Variants in TRIO observed in about 807,000 individuals in gnomAD.
TRIO encodes triple functional domain protein.
Under a neutral mutation model 351.9 loss-of-function variants are expected in TRIO, and 58 were observed. The observed-to-expected ratio is 0.16, with a 90% CI of 0.13 to 0.21. The LOEUF is 0.21. Ranked by LOEUF, TRIO falls within the 10% of genes least tolerant of loss-of-function variation. The pLI is 1.00. For synonymous variants in TRIO, 1,758 were observed against 1,595.7 expected (o/e 1.10, Z -2.42); for missense variants, 3,201 against 4,027.8 (o/e 0.79, Z 5.56).
At chr5:14,270,175 C>T (rs952001884) in intron 1 of TRIO, among the ~76,000 whole-genome samples, 9 of 152,168 alleles carry the variant, frequency 5.9e-5, no homozygotes, top group South Asian at 2.1e-4. Context: ...ATATTGGGAG[C>T]AGGGGCAGAG....
chr5:14,211,241 T>A (rs571079054), intron 1 of TRIO, among the ~76,000 whole-genome samples: 1 of 152,340 alleles, frequency 6.6e-6, no homozygotes, highest in East Asian at 1.9e-4. Context: ...GTTTCTAGTA[T>A]CTCAGAAAGA....
chr5:14,432,643 T>TC (rs1371435799), intron 34 of TRIO, among the ~76,000 whole-genome samples: 57 of 152,352 alleles, frequency 3.7e-4, no homozygotes, highest in African/African-American at 1.3e-3. Context: ...TTTCTCCTCT[T>TC]CCTACTCCCC....
At chr5:14,228,607 C>A (rs556593166) in intron 1 of TRIO, among the ~76,000 whole-genome samples, 1 of 152,242 alleles carries the variant, frequency 6.6e-6, no homozygotes, top group East Asian at 1.9e-4. Flanking sequence ...TGGATTTAAG[C>A]AGATAATTTG....
At chr5:14,295,316 T>A (rs1737254396) in intron 6 of TRIO, among the ~76,000 whole-genome samples, 1 of 152,230 alleles carries the variant, frequency 6.6e-6, no homozygotes, top group African/African-American at 2.4e-5. Context: ...AGCCTGTAGG[T>A]GTAGGTACTT....
rs546572911 is a variant in TRIO at position 14,288,363 on chromosome 5, T to C, written c.540+1300T>C. Among the ~76,000 whole-genome samples, 73 of 152,176 alleles carry C rather than the reference T, an allele frequency of 4.8e-4. 1 individual carries two copies. The South Asian group carries it at 0.015, about 32-fold the overall frequency. ...TCTCCCCACCCAGTGATTGCCTCTG[T>C]GGAGATTATTAAAAGTCCAGCAGGA... On this transcript the variant is annotated intron_variant, in intron 4 of 56. Transcript: ENST00000344204.
At chr5:14,291,714 A>G (rs1426069220) in intron 5 of TRIO, among the ~76,000 whole-genome samples, 3 of 146,712 alleles carry the variant, frequency 2.0e-5, no homozygotes, top group Admixed American at 7.1e-5. Flanking sequence ...GCTTGAACCC[A>G]TGAGGCAGAG....
rs1561449082 is a variant in TRIO, at chr5:14,403,816, TGTGAGGGTGCAGGTG to T, written c.4717-2028_4717-2014del. 2.6e-3 allele frequency among the ~76,000 whole-genome samples: 35 copies of T among 13,364 alleles called. 2 individuals are homozygous for T. Among genetic ancestry groups the T allele is most frequent in the African/African-American group, 0.015 (29 of 1,922 alleles). 8.8% of individuals were successfully genotyped at this position (13,364 alleles called of 152,430 possible). A position where few individuals can be genotyped will look rare whatever the true frequency, so the allele number is the denominator to read the frequency against. On this transcript the variant is annotated intron_variant, in intron 31 of 56. Transcript: ENST00000344204. ...AGGTTGTGGTGGTGAGGGTGCAGGT[TGTGAGGGTGCAGGTG>T]GTGGTGAGGGTGCAGGTGGTGGTGA...
chr5:14,296,004 A>G (rs71614081), intron 6 of TRIO, among the ~76,000 whole-genome samples: 7 of 152,174 alleles, frequency 4.6e-5, no homozygotes, highest in Non-Finnish European at 1.0e-4. Context: ...GAAATAATGA[A>G]CAAGTGAGTT....
At chr5:14,209,506 G>T (rs1791751548) in intron 1 of TRIO, among the ~76,000 whole-genome samples, 2 of 152,156 alleles carry the variant, frequency 1.3e-5, no homozygotes. Context: ...TTAGTGTAAT[G>T]TCATTATTTT....
In TRIO at chr5:14,143,695, G is replaced by GGCGGGC. The variant is rs1187163479; in HGVS notation, c.-26_-21dup. 2.1e-6 allele frequency: 2 copies of GGCGGGC among 972,408 alleles called. No homozygotes were observed. Among genetic ancestry groups the GGCGGGC allele is most frequent in the Non-Finnish European group, 2.4e-6 (2 of 821,960 alleles). The allele number at this position is 972,408 out of a possible 1,614,324, so 60.2% of individuals were successfully genotyped here. On this transcript the variant is annotated 5_prime_UTR_variant, in exon 1 of 57. Coordinates refer to ENST00000344204, the MANE Select transcript of TRIO (RefSeq NM_007118.4). ...GCGGCGCTAGGGGCGCGGGGCCCGA[G>GGCGGGC]GCGGGCGCGGCCGCGGGCGCCGCCG... is the stretch of plus-strand genomic sequence containing the variant.
chr5:14,209,079 C>T (rs1394345988), intron 1 of TRIO, among the ~76,000 whole-genome samples: 1 of 152,214 alleles, frequency 6.6e-6, no homozygotes, highest in South Asian at 2.1e-4. Flanking sequence ...TTTTCTGTTT[C>T]ATCTAGTCCT....
At position 14,344,286 on chromosome 5, in the gene TRIO, C is replaced by T. The variant is rs145889841; in HGVS notation, c.2046+7559C>T. ...TAGCATTATGTCTTTACATAGACTGCGGTATCTAGCGTGGCATACTGATTT... is the reference window on the plus strand; with the variant it reads ...TAGCATTATGTCTTTACATAGACTGTGGTATCTAGCGTGGCATACTGATTT... On this transcript the variant is annotated intron_variant, in intron 11 of 56. Transcript: ENST00000344204. 5.0e-3 allele frequency among the ~76,000 whole-genome samples: 764 copies of T among 152,196 alleles called. 9 individuals are homozygous for T. The highest frequency in any genetic ancestry group is 0.017 in the African/African-American group (722 of 41,510).
chr5:14,341,305 G>A (rs1369451537), intron 11 of TRIO, among the ~76,000 whole-genome samples: 2 of 152,080 alleles, frequency 1.3e-5, no homozygotes. Flanking sequence ...TCATTCCAAA[G>A]GGTCTCTCAA....
Position 14,418,079 on chromosome 5 carries a change from G to A in TRIO, c.4960-1699G>A, listed in dbSNP as rs146619430. On this transcript the variant is annotated intron_variant, in intron 33 of 56. Transcript: ENST00000344204. ...ACACACACGTGTAACTCCAGCTGTG[G>A]CTCACTTCAGAATTGAAGTGCCATG... is the stretch of plus-strand genomic sequence containing the variant. Among the ~76,000 whole-genome samples, 29 of 152,320 alleles carry A rather than the reference G, an allele frequency of 1.9e-4. 1 individual carries two copies. In the East Asian group the frequency reaches 5.6e-3, roughly 29 times the overall value.
At chr5:14,201,285 T>C (rs1194880900) in intron 1 of TRIO, among the ~76,000 whole-genome samples, 1 of 152,042 alleles carries the variant, frequency 6.6e-6, no homozygotes, top group Non-Finnish European at 1.5e-5. Flanking sequence ...AAATAAAAAA[T>C]AAAACGTTCT....
chr5:14,390,011 T>C (rs1746905760), intron 25 of TRIO, among the ~76,000 whole-genome samples: 1 of 152,174 alleles, frequency 6.6e-6, no homozygotes, highest in Admixed American at 6.5e-5. Flanking sequence ...AAGTATATGC[T>C]CAGTGAACAC....
At chr5:14,358,714 G>A (rs554317230) in intron 12 of TRIO, among the ~76,000 whole-genome samples, 1 of 152,336 alleles carries the variant, frequency 6.6e-6, no homozygotes, top group African/African-American at 2.4e-5. Flanking sequence ...GAGCACAGCA[G>A]TATTCACCTC....
intron 1 of TRIO, among the ~76,000 whole-genome samples, chr5:14,176,419 G>A (rs1269541351): frequency 2.6e-5 from 4 of 152,012 alleles, no homozygotes; most frequent in Non-Finnish European, 5.9e-5. Flanking sequence ...ACAGTGAGCC[G>A]AGATCGCGCC....
At chr5:14,189,221 A>G (rs756568836) in intron 1 of TRIO, among the ~76,000 whole-genome samples, 2 of 152,200 alleles carry the variant, frequency 1.3e-5, no homozygotes, top group Non-Finnish European at 2.9e-5. Context: ...TTTAATGAGG[A>G]TATTGGTACC....
Sources: gnomAD v4.1 joint callset for allele counts (sites outside exome capture counted in the v4.1 genomes callset) on GRCh38, gnomAD v4.1.1 for gene constraint, MANE v1.5 for transcripts, NCBI Gene and HGNC (gene_info 2026-07-23, HGNC 2026-07-21) for gene names.